TENM2: variants seen among roughly 807,000 people sequenced by gnomAD.
TENM2 encodes the protein teneurin-2.
TENM2 carries 52 observed loss-of-function variants against 245.2 expected under a neutral mutation model. That is an observed-to-expected ratio of 0.21 (90% CI 0.17 to 0.27). The LOEUF is 0.27. Ranked by LOEUF, TENM2 falls within the 10% of genes least tolerant of loss-of-function variation. The probability of loss-of-function intolerance (pLI) is 1.00; values close to 1 mark genes in which losing one functional copy is unlikely to be tolerated. For missense variants in TENM2, 3,046 were observed against 3,666.8 expected, an observed-to-expected ratio of 0.83 and a Z score of 4.37; for synonymous variants, 1,363 against 1,438.9, an observed-to-expected ratio of 0.95 and a Z score of 1.19.
At chr5:167,472,772 A>G (rs1333418344) in intron 2 of TENM2, among the ~76,000 whole-genome samples, 1 of 152,356 alleles carries the variant, frequency 6.6e-6, no homozygotes, top group African/African-American at 2.4e-5. Flanking sequence ...AAACTGAAAG[A>G]TAAATGCTAC....
At chr5:167,742,383 C>A (rs1761240533) in intron 2 of TENM2, among the ~76,000 whole-genome samples, 1 of 148,476 alleles carries the variant, frequency 6.7e-6, no homozygotes, top group African/African-American at 2.5e-5. Context: ...AAAAAAAAAC[C>A]CTGAAGTTCA....
chr5:167,114,816 G>A, the TENM2 span, among the ~76,000 whole-genome samples: 1 of 152,200 alleles, frequency 6.6e-6, no homozygotes, highest in Admixed American at 6.5e-5. Flanking sequence ...AGAAGCCAAA[G>A]AGGTGTATAT....
At chr5:168,011,552 CT>C (rs1321758054) in intron 5 of TENM2, among the ~76,000 whole-genome samples, 4 of 152,162 alleles carry the variant, frequency 2.6e-5, no homozygotes, top group Non-Finnish European at 4.4e-5. Flanking sequence ...TATATTTTTT[CT>C]TTTTTACCAC....
rs1242903332 is a variant in TENM2, at chr5:168,218,185, C to G, written c.4294C>G (p.Leu1432Val). ...TCCCATGGATAACTCCTTGTATGTT[C>G]TAGAGAACAATGTCATCCTTCGAAT... The change falls in exon 23 of 29, where the codon CTA (leucine) becomes GTA (valine). Residue 1432 changes from leucine to valine, a missense_variant. By Grantham distance (32) the Leu-to-Val change is conservative. Transcript: ENST00000518659. This position sits in a 1 kb window ranked among gnomAD's most constrained non-coding sequence, Gnocchi z 5.2. The G allele has an allele frequency of 2.5e-6, 4 of 1,613,916 alleles. No individual in the cohort carries two copies. The highest frequency in any genetic ancestry group is 3.4e-6 in the Non-Finnish European group (4 of 1,179,860).
chr5:167,172,013 G>T, the TENM2 span, among the ~76,000 whole-genome samples: 1 of 152,178 alleles, frequency 6.6e-6, no homozygotes, highest in Non-Finnish European at 1.5e-5. Flanking sequence ...AGCATTAAAT[G>T]TTCTTGCCTC....
the TENM2 span, among the ~76,000 whole-genome samples, chr5:167,079,207 CTGTCTT>C: frequency 6.6e-6 from 1 of 151,642 alleles, no homozygotes; most frequent in Non-Finnish European, 1.5e-5. Flanking sequence ...CAATGCCTCT[CTGTCTT>C]TGTCTTTGTC....
At chr5:167,494,685 A>G (rs1220085432) in intron 2 of TENM2, among the ~76,000 whole-genome samples, 1 of 152,128 alleles carries the variant, frequency 6.6e-6, no homozygotes, top group Non-Finnish European at 1.5e-5. Context: ...GTAAAAGTTT[A>G]AAGAAATAGC....
intron 5 of TENM2, among the ~76,000 whole-genome samples, chr5:168,000,472 G>C (rs1396376812): frequency 7.9e-5 from 12 of 152,172 alleles, no homozygotes; most frequent in Admixed American, 7.9e-4. Flanking sequence ...TGATGGGCTT[G>C]CTATTTAAAA....
chr5:167,498,402 G>T (rs1768953875), intron 2 of TENM2, among the ~76,000 whole-genome samples: 1 of 152,082 alleles, frequency 6.6e-6, no homozygotes, highest in Non-Finnish European at 1.5e-5. Context: ...ACTATGCTCA[G>T]ATTCTCAGGA....
intron 1 of TENM2, among the ~76,000 whole-genome samples, chr5:167,302,924 G>A (rs1043828877): frequency 1.3e-5 from 2 of 152,142 alleles, no homozygotes; most frequent in South Asian, 4.1e-4. Flanking sequence ...CCAAGGGAAG[G>A]CTGCCTTCCC....
intron 2 of TENM2, among the ~76,000 whole-genome samples, chr5:167,580,458 C>G (rs1775009598): frequency 6.6e-6 from 1 of 152,204 alleles, no homozygotes; most frequent in South Asian, 2.1e-4. Context: ...CCACCATTCT[C>G]ATTTTAGTCA....
chr5:167,292,868 G>A (rs376731134), intron 1 of TENM2, among the ~76,000 whole-genome samples: 100 of 152,338 alleles, frequency 6.6e-4, no homozygotes, highest in African/African-American at 2.4e-3. Context: ...TGGCATTCCT[G>A]CATACATTTG....
chr5:167,407,220 C>T (rs954561280), intron 2 of TENM2, among the ~76,000 whole-genome samples: 2 of 152,052 alleles, frequency 1.3e-5, no homozygotes, highest in African/African-American at 4.8e-5. Context: ...ACTTTGTGAG[C>T]AGTGATCTCA....
At chr5:167,478,265 T>A (rs1477644994) in intron 2 of TENM2, among the ~76,000 whole-genome samples, 3 of 152,252 alleles carry the variant, frequency 2.0e-5, no homozygotes, top group Non-Finnish European at 2.9e-5. Context: ...CCTCATCTTC[T>A]TTTCTGTTTG....
intron 2 of TENM2, among the ~76,000 whole-genome samples, chr5:167,784,659 C>T (rs1476294456): frequency 1.3e-5 from 2 of 152,150 alleles, no homozygotes; most frequent in Non-Finnish European, 2.9e-5. Context: ...GTATATAAAA[C>T]CATGTTTTCC....
exon 4 of TENM2, chr5:167,952,721 C>A (rs753333208): frequency 1.9e-6 from 3 of 1,605,500 alleles, no homozygotes; most frequent in Non-Finnish European, 1.7e-6. Context: ...GGAGTCAGAT[C>A]CACGCCCCGG....
intron 2 of TENM2, among the ~76,000 whole-genome samples, chr5:167,608,913 A>G (rs932329536): frequency 6.6e-6 from 1 of 152,162 alleles, no homozygotes; most frequent in Non-Finnish European, 1.5e-5. Context: ...GACTGCTGTC[A>G]TTTCCTTGTG....
chr5:168,222,563 C>T (rs186537933), intron 23 of TENM2, among the ~76,000 whole-genome samples: 36 of 152,324 alleles, frequency 2.4e-4, no homozygotes, highest in African/African-American at 8.7e-4. Flanking sequence ...TCTCTCTCCT[C>T]TTTGTCCTGG....
At position 168,247,965 on chromosome 5, in the gene TENM2, G is replaced by C. The variant is rs1766746677; in HGVS notation, c.7026G>C (p.Glu2342Asp). Residue 2342 changes from glutamate to aspartate, a missense_variant, in exon 27 of 29, where the codon GAG becomes GAC. Physicochemically the swap from Glu to Asp is conservative, Grantham distance 45 (BLOSUM62 2). Coordinates refer to ENST00000518659, the Ensembl canonical transcript of TENM2. The surrounding 1 kb of genome is among the most constrained non-coding windows in gnomAD (Gnocchi z 7.8). ...ATGTCTACAATCACTCCAACTCGGAGATTACCTCACTGTACTACGACCTCC... is the reference window on the plus strand; with the variant it reads ...ATGTCTACAATCACTCCAACTCGGACATTACCTCACTGTACTACGACCTCC... 4 of 1,613,806 alleles carry C rather than the reference G, an allele frequency of 2.5e-6. No homozygotes were observed. The highest frequency in any genetic ancestry group is 1.3e-5 in the African/African-American group (1 of 74,910).
Sources: gnomAD v4.1 joint callset for allele counts (sites outside exome capture counted in the v4.1 genomes callset) on GRCh38, gnomAD v4.1.1 for gene constraint, Gnocchi (gnomAD v3.1) non-coding constraint, MANE v1.5 for transcripts, NCBI Gene and HGNC (gene_info 2026-07-23, HGNC 2026-07-21) for gene names.